Variants in PUM2 observed in about 807,000 individuals in gnomAD.
The protein encoded by PUM2 is pumilio RNA binding family member 2.
In PUM2, 57 loss-of-function variants were observed where a neutral mutation model predicts 124.5. The ratio of observed to expected loss-of-function variants is 0.46; its 90% confidence interval spans 0.37 to 0.57. The LOEUF (loss-of-function observed/expected upper bound fraction) is 0.57. PUM2 is among the 20% of genes least tolerant of loss of function. The pLI is 0.00. For missense variants in PUM2, 1,065 were observed against 1,290.6 expected (o/e 0.83, Z 2.68); for synonymous variants, 460 against 446.1 (o/e 1.03, Z -0.39).
rs1670822072 is a variant in PUM2 at position 20,278,712 on chromosome 2, A to G, written c.1828T>C (p.Tyr610His). The G allele has an allele frequency of 6.2e-7, 1 of 1,613,448 alleles. No homozygotes were observed. The highest frequency in any genetic ancestry group is 1.3e-5 in the African/African-American group (1 of 74,874). ...SSLAPIGQPF[Y>H]NSLGFSSSPS... ...GAGGAGGAAAATCCCAGACTATTGT[A>G]AAATGGTTGCCCTATGGGTGCTAGG... Residue 610 changes from tyrosine (Y) to histidine (H), a missense_variant, in exon 13 of 21, where the codon TAC becomes CAC. Coordinates refer to ENST00000361078, the MANE Select transcript of PUM2 (RefSeq NM_015317.5).
chr2:20,301,600 T>C (rs987414325), intron 7 of PUM2, among the ~76,000 whole-genome samples: 2 of 152,202 alleles, frequency 1.3e-5, no homozygotes, highest in Non-Finnish European at 2.9e-5. Context: ...CATCCTTTTT[T>C]TTTTGAGACA....
intron 1 of PUM2, among the ~76,000 whole-genome samples, chr2:20,348,839 G>A (rs777357360): frequency 6.6e-6 from 1 of 152,252 alleles, no homozygotes; most frequent in Non-Finnish European, 1.5e-5. Flanking sequence ...TCAGGTGGAA[G>A]AACAGTTGCA....
In PUM2 at chr2:20,250,290, T is replaced by TA. The variant is rs1022277199; in HGVS notation, c.*1294dup. 6.6e-6 allele frequency: 1 copy of TA among 152,416 alleles called. No homozygotes were observed. Among genetic ancestry groups the TA allele is most frequent in the African/African-American group, 2.4e-5 (1 of 41,424 alleles). 9.4% of individuals were successfully genotyped at this position (152,416 alleles called of 1,614,324 possible). Reference sequence around the variant, plus strand: ...TCATACTTCTGAAACCATATAAAGATAAAAAATTTTTAAAAAATCACTCTC... The same window carrying TA: ...TCATACTTCTGAAACCATATAAAGATAAAAAAATTTTTAAAAAATCACTCTC... On this transcript the variant is annotated 3_prime_UTR_variant, in exon 21 of 21. Transcript: ENST00000361078.
At position 20,251,217 on chromosome 2, in the gene PUM2, T is replaced by C. The variant is rs776324546; in HGVS notation, c.*368A>G. 5.7e-6 allele frequency: 1 copy of C among 175,524 alleles called. No individual in the cohort carries two copies. The highest frequency in any genetic ancestry group is 2.4e-5 in the African/African-American group (1 of 41,828). The allele number at this position is 175,524 out of a possible 1,614,324, so 10.9% of individuals were successfully genotyped here. On this transcript the variant is annotated 3_prime_UTR_variant, in exon 21 of 21. Transcript: ENST00000361078. Reference sequence around the variant, plus strand: ...AGACCTACCAGACTGTGAGCCAGTTTATTAAAAGAATACTGTACTTTTTCC... The same window carrying C: ...AGACCTACCAGACTGTGAGCCAGTTCATTAAAAGAATACTGTACTTTTTCC...
Position 20,251,598 on chromosome 2 carries a change from T to C in PUM2, c.3182A>G (p.Asn1061Ser), listed in dbSNP as rs2148350933. 1 of 1,613,052 alleles carries C rather than the reference T, an allele frequency of 6.2e-7. No homozygotes were observed. The highest frequency in any genetic ancestry group is 8.5e-7 in the Non-Finnish European group (1 of 1,179,512). Residue 1061 changes from asparagine (N) to serine (S), a missense_variant, in exon 21 of 21, where the codon AAT (asparagine) becomes AGT (serine). By Grantham distance (46) the Asn-to-Ser change is conservative. Around this residue, in one of 3 missense-constraint regions of PUM2, gnomAD observed 968 missense variants for 1,159.8 expected, o/e 0.83. Transcript: ENST00000361078. Reference protein sequence around the residue: ...PDLGPIGGPPNGML With the variant: ...PDLGPIGGPPSGML ...TGCTCCTGTAATTTACAGCATTCCATTTGGTGGTCCTCCAATAGGTCCTAG... is the reference window on the plus strand; with the variant it reads ...TGCTCCTGTAATTTACAGCATTCCACTTGGTGGTCCTCCAATAGGTCCTAG...
intron 3 of PUM2, among the ~76,000 whole-genome samples, chr2:20,312,807 G>C (rs1164553423): frequency 1.3e-5 from 2 of 152,108 alleles, no homozygotes; most frequent in Non-Finnish European, 2.9e-5. Context: ...CACGCTACTT[G>C]ATTTCAAACT....
At chr2:20,331,144 C>A (rs1391804633) in intron 1 of PUM2, among the ~76,000 whole-genome samples, 43 of 144,566 alleles carry the variant, frequency 3.0e-4, no homozygotes, top group African/African-American at 9.8e-4. Flanking sequence ...AAAAAAAAAA[C>A]CACACGCGTT....
At chr2:20,311,252 G>A (rs756853327) in intron 5 of PUM2, among the ~76,000 whole-genome samples, 17 of 152,060 alleles carry the variant, frequency 1.1e-4, no homozygotes, top group Non-Finnish European at 1.9e-4. Flanking sequence ...AGTAAGCACA[G>A]CTTCTAACAT....
chr2:20,297,446 T>G, intron 8 of PUM2, 107 bp downstream of exon 8: 1 of 1,124,870 alleles, frequency 8.9e-7, no homozygotes, highest in Non-Finnish European at 1.2e-6. Context: ...ATGTTTCAGT[T>G]TTTCTTAGGA....
chr2:20,254,954 C>T lies in PUM2; in HGVS notation c.2779G>A (p.Val927Ile). ...TCTTCAGGTCGACCGTGTTCCAGTA[C>T]ATGCTGAATAACATAATTGCCATAC... is the stretch of plus-strand genomic sequence containing the variant. The part of the protein sequence containing the change: ...DQYGNYVIQH[V>I]LEHGRPEDKS... The change falls in exon 19 of 21, where the codon GTA (valine) becomes ATA (isoleucine). Residue 927 changes from valine (V) to isoleucine (I), a missense_variant. By Grantham distance (29) the Val-to-Ile change is conservative. Around this residue, in one of 3 missense-constraint regions of PUM2, gnomAD observed 968 missense variants for 1,159.8 expected, o/e 0.83. Coordinates refer to ENST00000361078, the MANE Select transcript of PUM2 (RefSeq NM_015317.5). 1.2e-6 allele frequency: 2 copies of T among 1,613,622 alleles called. No homozygotes were observed. The highest frequency in any genetic ancestry group is 1.1e-5 in the South Asian group (1 of 91,028).
At chr2:20,346,804 T>A (rs764189749) in intron 1 of PUM2, among the ~76,000 whole-genome samples, 1 of 152,230 alleles carries the variant, frequency 6.6e-6, no homozygotes, top group Non-Finnish European at 1.5e-5. Flanking sequence ...ACTGACTAAG[T>A]GGTTTTGAGT....
intron 13 of PUM2, among the ~76,000 whole-genome samples, chr2:20,278,302 C>G (rs958825584): frequency 5.9e-5 from 9 of 151,880 alleles, no homozygotes; most frequent in Admixed American, 2.0e-4. Context: ...TTCAGATGCT[C>G]TAAAACACAC....
In PUM2 at chr2:20,311,512, G is replaced by A. The variant is rs577042700; in HGVS notation, c.500C>T (p.Ala167Val). 1.1e-5 allele frequency: 17 copies of A among 1,607,138 alleles called. No individual in the cohort carries two copies. The highest frequency in any genetic ancestry group is 1.3e-5 in the Non-Finnish European group (15 of 1,177,706). The change falls in exon 5 of 21, where the codon GCC (alanine) becomes GTC (valine). Residue 167 changes from alanine (A) to valine (V), a missense_variant. Physicochemically the swap from Ala to Val is moderately conservative, Grantham distance 64. Coordinates refer to ENST00000361078, the MANE Select transcript of PUM2 (RefSeq NM_015317.5). ...NGRGLPNGMDADCKDFNRTPG... is the reference protein window; with the variant it reads ...NGRGLPNGMDVDCKDFNRTPG... The stretch of plus-strand genomic sequence containing the variant: ...ATCTTACTTAAAATCTTTGCAATCG[G>A]CATCCATTCCATTTGGCAAACCTCT...
At chr2:20,281,650 G>A (rs981063637) in intron 12 of PUM2, among the ~76,000 whole-genome samples, 2 of 152,098 alleles carry the variant, frequency 1.3e-5, no homozygotes, top group African/African-American at 4.8e-5. Context: ...GCGTGAGGTG[G>A]ACAAAGAGAT....
intron 7 of PUM2, among the ~76,000 whole-genome samples, chr2:20,302,292 G>A (rs1677180290): frequency 6.6e-6 from 1 of 152,118 alleles, no homozygotes; most frequent in Admixed American, 6.5e-5. Flanking sequence ...CATTCCAAAA[G>A]TATGAGTGCC....
At chr2:20,350,923 T>A, upstream of PUM2, 1 of 369,250 alleles carries the variant, frequency 2.7e-6, no homozygotes, top group Non-Finnish European at 3.8e-6. Context: ...CGGCTCCTTT[T>A]AATGCCTTGC....
intron 1 of PUM2, among the ~76,000 whole-genome samples, chr2:20,347,570 A>G (rs1041725330): frequency 6.6e-6 from 1 of 152,256 alleles, no homozygotes; most frequent in African/African-American, 2.4e-5. Flanking sequence ...TCTCCTGTCT[A>G]TATATATTGC....
At chr2:20,331,149 C>T (rs755138943) in intron 1 of PUM2, among the ~76,000 whole-genome samples, 3 of 149,472 alleles carry the variant, frequency 2.0e-5, no homozygotes, top group Admixed American at 6.7e-5. Context: ...AAAAACCACA[C>T]GCGTTGTTTG....
chr2:20,315,309 C>G (rs900285547), intron 3 of PUM2, among the ~76,000 whole-genome samples: 1 of 152,070 alleles, frequency 6.6e-6, no homozygotes, highest in Non-Finnish European at 1.5e-5. Flanking sequence ...CATGATGAAC[C>G]TGATAATCAC....
Sources: gnomAD v4.1 joint callset for allele counts (sites outside exome capture counted in the v4.1 genomes callset) on GRCh38, gnomAD v4.1.1 for gene constraint, gnomAD v4.1.1 regional missense constraint, MANE v1.5 for transcripts, NCBI Gene and HGNC (gene_info 2026-07-23, HGNC 2026-07-21) for gene names.